The following ITGA9 variants were observed in gnomAD, a reference collection of about 807,000 sequenced individuals.
The protein encoded by ITGA9 is integrin subunit alpha 9, also known as integrin alpha-9.
In ITGA9, 56 loss-of-function variants were observed where a neutral mutation model predicts 127.8. The ratio of observed to expected loss-of-function variants is 0.44; its 90% CI spans 0.35 to 0.55. ITGA9 has a LOEUF of 0.55. ITGA9 is among the 20% of genes least tolerant of loss of function. The pLI, the probability that ITGA9 is intolerant of heterozygous loss-of-function variation, is 0.00. For synonymous variants in ITGA9, 508 were observed against 514.5 expected (o/e 0.99, Z 0.17); for missense variants, 1,196 against 1,347.1 (o/e 0.89, Z 1.76).
At chr3:37,691,941 T>G (rs1700836588) in intron 18 of ITGA9, among the ~76,000 whole-genome samples, 1 of 152,204 alleles carries the variant, frequency 6.6e-6, no homozygotes, top group South Asian at 2.1e-4. Context: ...GGAGTTTGAA[T>G]TTTAGAAGCT....
At chr3:37,776,401 A>C (rs1319886049) in intron 23 of ITGA9, among the ~76,000 whole-genome samples, 3 of 152,244 alleles carry the variant, frequency 2.0e-5, no homozygotes, top group Non-Finnish European at 1.5e-5. Context: ...AAGTTGAAAC[A>C]TTCTTGAACA....
Position 37,692,412 on chromosome 3 carries a change from AGTGTGT to A in ITGA9, c.2067+8424_2067+8429del, listed in dbSNP as rs59928496. 3.0e-4 allele frequency among the ~76,000 whole-genome samples: 44 copies of A among 145,966 alleles called. 1 individual carries two copies. The highest frequency in any genetic ancestry group is 5.8e-4 in the African/African-American group (23 of 39,468). ...TAATGAAGGATTGAGAGAGAGAGAGAGTGTGTGTGTGTGTGTGTGTGTGTGTGTGTG... is the reference window on the plus strand; with the variant it reads ...TAATGAAGGATTGAGAGAGAGAGAGAGTGTGTGTGTGTGTGTGTGTGTGTG... On this transcript the variant is annotated intron_variant, in intron 18 of 27. Coordinates refer to ENST00000264741, the MANE Select transcript of ITGA9 (RefSeq NM_002207.3).
chr3:37,500,161 T>A (rs896842226), intron 5 of ITGA9, among the ~76,000 whole-genome samples: 1 of 152,232 alleles, frequency 6.6e-6, no homozygotes, highest in African/African-American at 2.4e-5. Context: ...TCTGATGAAC[T>A]TATTTCTGTT....
chr3:37,654,012 A>G (rs1700453208), intron 17 of ITGA9, among the ~76,000 whole-genome samples: 1 of 152,188 alleles, frequency 6.6e-6, no homozygotes, highest in South Asian at 2.1e-4. Flanking sequence ...TTGCAATTCC[A>G]CATATCTCAC....
intron 18 of ITGA9, among the ~76,000 whole-genome samples, chr3:37,686,469 C>G (rs762398458): frequency 2.6e-5 from 4 of 152,284 alleles, no homozygotes; most frequent in Admixed American, 2.6e-4. Context: ...GCCTCCCAAG[C>G]ATGCTGGACA....
At chr3:37,500,652 T>C (rs10514701) in intron 5 of ITGA9, among the ~76,000 whole-genome samples, 1 of 152,242 alleles carries the variant, frequency 6.6e-6, no homozygotes, top group Admixed American at 6.5e-5. Flanking sequence ...GGTGACTTTA[T>C]GAATTGTCCT....
In ITGA9 at chr3:37,491,134, A is replaced by G. The variant is rs1316102953; in HGVS notation, c.545-3367A>G. 2.6e-5 allele frequency among the ~76,000 whole-genome samples: 4 copies of G among 151,972 alleles called. No homozygotes were observed. In the East Asian group the frequency reaches 7.8e-4, roughly 29 times the overall value. On this transcript the variant is annotated intron_variant, in intron 4 of 27. Transcript: ENST00000264741. ...TGGGACTACAGGTGTGCACCACCGC[A>G]TCCAGCTAATTTTTGTATTTTTGTA...
At chr3:37,557,724 A>C (rs543557233) in intron 15 of ITGA9, among the ~76,000 whole-genome samples, 1 of 152,222 alleles carries the variant, frequency 6.6e-6, no homozygotes, top group Non-Finnish European at 1.5e-5. Context: ...TTACATGTAC[A>C]TGAAGTCCTT....
chr3:37,706,428 A>T (rs933915848), intron 18 of ITGA9, among the ~76,000 whole-genome samples: 1 of 152,212 alleles, frequency 6.6e-6, no homozygotes, highest in Non-Finnish European at 1.5e-5. Flanking sequence ...GCATAGGTGC[A>T]GGTGGTTTAT....
chr3:37,753,790 C>A (rs1335471098), intron 23 of ITGA9: 1 of 152,166 alleles, frequency 6.6e-6, no homozygotes, highest in Admixed American at 6.5e-5. Flanking sequence ...GGCCAAGCTC[C>A]CTGTTTGATA....
chr3:37,684,992 C>T (rs1294235034), intron 18 of ITGA9, among the ~76,000 whole-genome samples: 2 of 152,158 alleles, frequency 1.3e-5, no homozygotes, highest in South Asian at 2.1e-4. Flanking sequence ...GGACAAAAGT[C>T]GACTCTGCTC....
chr3:37,765,944 G>A (rs1405115881), intron 23 of ITGA9, among the ~76,000 whole-genome samples: 2 of 152,230 alleles, frequency 1.3e-5, no homozygotes, highest in African/African-American at 2.4e-5. Flanking sequence ...GTTGAATGCC[G>A]ATGCGTAGGT....
Position 37,464,148 on chromosome 3 carries a change from T to C in ITGA9, c.186-6859T>C, listed in dbSNP as rs147909113. Among the ~76,000 whole-genome samples, 146 of 149,482 alleles carry C rather than the reference T, an allele frequency of 9.8e-4. No homozygotes were observed. In the East Asian group the frequency reaches 0.022, roughly 23 times the overall value. Reference sequence around the variant, plus strand: ...GTGTGTGTGTGTGTGTGTGTGTGTGTGTGTAAGGTTGTGATGGCCTTTGTG... The same window carrying C: ...GTGTGTGTGTGTGTGTGTGTGTGTGCGTGTAAGGTTGTGATGGCCTTTGTG... On this transcript the variant is annotated intron_variant, in intron 1 of 27. Transcript: ENST00000264741.
chr3:37,706,437 A>G (rs1449868543), intron 18 of ITGA9, among the ~76,000 whole-genome samples: 1 of 152,212 alleles, frequency 6.6e-6, no homozygotes, highest in African/African-American at 2.4e-5. Flanking sequence ...CAGGTGGTTT[A>G]TTTGAGTAGC....
At position 37,803,805 on chromosome 3, in the gene ITGA9, T is replaced by G. The variant is rs748313200; in HGVS notation, c.2890-18T>G. 5.0e-6 allele frequency: 8 copies of G among 1,613,878 alleles called. No homozygotes were observed. The highest frequency in any genetic ancestry group is 6.8e-6 in the Non-Finnish European group (8 of 1,179,952). Reference sequence around the variant, plus strand: ...AAAATAAAAAAGGAAATGTTTTCACTGTTGCGTTGCCTCCTAGGTGGTCTT... The same window carrying G: ...AAAATAAAAAAGGAAATGTTTTCACGGTTGCGTTGCCTCCTAGGTGGTCTT... On this transcript the variant is annotated intron_variant, in intron 26 of 27. Transcript: ENST00000264741.
At chr3:37,584,649 G>A (rs566018853) in intron 15 of ITGA9, among the ~76,000 whole-genome samples, 9 of 152,180 alleles carry the variant, frequency 5.9e-5, no homozygotes, top group Non-Finnish European at 1.3e-4. Context: ...CAGCTACTCG[G>A]GAGGCTGAGT....
At chr3:37,511,792 T>C (rs1243982152) in intron 8 of ITGA9, among the ~76,000 whole-genome samples, 1 of 152,204 alleles carries the variant, frequency 6.6e-6, no homozygotes, top group Non-Finnish European at 1.5e-5. Context: ...AGCCCTCCTG[T>C]GACCCTGTTA....
At chr3:37,500,207 T>C (rs1419578414) in intron 5 of ITGA9, among the ~76,000 whole-genome samples, 1 of 152,256 alleles carries the variant, frequency 6.6e-6, no homozygotes, top group East Asian at 1.9e-4. Context: ...TGGTCTCTTA[T>C]GCAGGACAGA....
chr3:37,783,105 C>T (rs1696997426), intron 25 of ITGA9, among the ~76,000 whole-genome samples: 1 of 151,894 alleles, frequency 6.6e-6, no homozygotes, highest in South Asian at 2.1e-4. Flanking sequence ...TGCCATTGCA[C>T]TCCAGCCTGG....
Sources: gnomAD v4.1 joint callset for allele counts (sites outside exome capture counted in the v4.1 genomes callset) on GRCh38, gnomAD v4.1.1 for gene constraint, MANE v1.5 for transcripts, NCBI Gene and HGNC (gene_info 2026-07-23, HGNC 2026-07-21) for gene names.